BZW2: variants seen among roughly 807,000 people sequenced by gnomAD.
BZW2 encodes eIF5-mimic protein 1.
Under a neutral mutation model 53.2 loss-of-function variants are expected in BZW2, and 23 were observed. The ratio of observed to expected loss-of-function variants is 0.43; its 90% CI spans 0.31 to 0.61. The LOEUF is 0.61. Ranked by LOEUF, BZW2 falls within the 20% of genes least tolerant of loss-of-function variation. The pLI, the probability that BZW2 is intolerant of heterozygous loss-of-function variation, is 0.09. For missense variants in BZW2, 409 were observed against 503.1 expected, an observed-to-expected ratio of 0.81 and a Z score of 1.79; for synonymous variants, 227 against 186.4, an observed-to-expected ratio of 1.22 and a Z score of -1.77.
chr7:16,647,699 A>T (rs936868407), intron 1 of BZW2, among the ~76,000 whole-genome samples: 7 of 152,214 alleles, frequency 4.6e-5, no homozygotes, highest in Non-Finnish European at 7.3e-5. Context: ...AATCTTTTGT[A>T]ATGCTGTTAG....
intron 5 of BZW2, among the ~76,000 whole-genome samples, chr7:16,683,902 T>G (rs1322425971): frequency 6.6e-6 from 1 of 152,010 alleles, no homozygotes; most frequent in Non-Finnish European, 1.5e-5. Flanking sequence ...CAGTTCAAAG[T>G]GGTTCTGTGT....
chr7:16,690,024 C>T (rs928737665), intron 7 of BZW2, 118 bp downstream of exon 7: 14 of 574,592 alleles, frequency 2.4e-5, no homozygotes, highest in Non-Finnish European at 3.6e-5. Flanking sequence ...GAGCACTGTT[C>T]CTTTTATTTC....
intron 2 of BZW2, among the ~76,000 whole-genome samples, chr7:16,673,476 G>C (rs936630531): frequency 2.6e-5 from 4 of 152,056 alleles, no homozygotes; most frequent in Non-Finnish European, 4.4e-5. Flanking sequence ...CATTAAGCCA[G>C]GCATTAAAGA....
Position 16,685,991 on chromosome 7 carries a change from G to T in BZW2, c.492G>T (p.Leu164=), listed in dbSNP as rs768626596. Residue 164 remains leucine, a synonymous_variant, in exon 6 of 12, where the codon CTG becomes CTT. Transcript: ENST00000258761. ...LSGILLGNGT[L]PATILTSLFT... is the part of the protein sequence containing the mutation. Reference sequence around the variant, plus strand: ...GGATTCTGCTGGGCAATGGCACCCTGCCCGCCACCATCCTCACCAGTCTCT... The same window carrying T: ...GGATTCTGCTGGGCAATGGCACCCTTCCCGCCACCATCCTCACCAGTCTCT... 20 of 1,602,598 alleles carry T rather than the reference G, an allele frequency of 1.2e-5. No homozygotes were observed. In the South Asian group the frequency reaches 2.1e-4, roughly 17 times the overall value.
rs372979060 is a variant in BZW2, at chr7:16,657,474, G to A, written c.-7-7963G>A. ...TCCATTGATGCAATATCCTAAAGTA[G>A]AAAAAGTTTGTCTGCTGGTGTTGAG... is the stretch of plus-strand genomic sequence containing the variant. On this transcript the variant is annotated intron_variant, in intron 1 of 11. Transcript: ENST00000258761. 2.4e-4 allele frequency among the ~76,000 whole-genome samples: 37 copies of A among 152,184 alleles called. No individual in the cohort carries two copies. In the East Asian group the frequency reaches 5.4e-3, roughly 22 times the overall value.
At chr7:16,686,794 GTT>G (rs1419395201) in intron 6 of BZW2, 1 of 152,156 alleles carries the variant, frequency 6.6e-6, no homozygotes, top group African/African-American at 2.4e-5. Context: ...AGGAGTCATA[GTT>G]TTCTTGTAGC....
intron 3 of BZW2, among the ~76,000 whole-genome samples, chr7:16,676,981 A>G (rs1317068122): frequency 6.6e-6 from 1 of 151,654 alleles, no homozygotes; most frequent in African/African-American, 2.4e-5. Flanking sequence ...AATTATCTGT[A>G]TAATTTGTGT....
At chr7:16,701,602 A>G (rs1481671176) in intron 10 of BZW2, among the ~76,000 whole-genome samples, 1 of 152,202 alleles carries the variant, frequency 6.6e-6, no homozygotes, top group African/African-American at 2.4e-5. Flanking sequence ...AATAACTAAC[A>G]TGATCTAAAA....
chr7:16,675,612 C>A (rs1189274046), intron 3 of BZW2, among the ~76,000 whole-genome samples: 1 of 152,148 alleles, frequency 6.6e-6, no homozygotes, highest in Non-Finnish European at 1.5e-5. Flanking sequence ...TGTCATTCTG[C>A]CTTGCTAGTT....
At chr7:16,683,416 A>G (rs528978013) in intron 5 of BZW2, among the ~76,000 whole-genome samples, 98 of 152,364 alleles carry the variant, frequency 6.4e-4, no homozygotes, top group African/African-American at 2.2e-3. Flanking sequence ...CAGTAAGAAT[A>G]GTTTTACGGG....
chr7:16,705,930 C>A, intron 11 of BZW2, 130 bp from the exon 12 acceptor site: 1 of 1,004,012 alleles, frequency 1.0e-6, no homozygotes, highest in South Asian at 1.5e-5. Context: ...ACTATTTTAC[C>A]TTATAATGGG....
intron 1 of BZW2, among the ~76,000 whole-genome samples, chr7:16,656,544 A>AGCGCGC (rs201292049): frequency 4.4e-5 from 5 of 113,842 alleles, no homozygotes; most frequent in African/African-American, 1.7e-4. Flanking sequence ...AGCACTCCCC[A>AGCGCGC]GCGCGCGCGC....
In BZW2 at chr7:16,685,891, TTTTTG is replaced by T. The variant is rs1424948112; in HGVS notation, c.406-13_406-9del. 1.4e-5 allele frequency: 21 copies of T among 1,477,484 alleles called. No homozygotes were observed. Among genetic ancestry groups the T allele is most frequent in the Non-Finnish European group, 1.7e-5 (19 of 1,122,692 alleles). 91.5% of individuals were successfully genotyped at this position (1,477,484 alleles called of 1,614,324 possible). The stretch of plus-strand genomic sequence containing the variant: ...TTTTCTTTTTCTTTTTTTTTTTTTT[TTTTTG>T]ACCCACAGCTTCTCCTCTTCCTTAA... On this transcript the variant is annotated splice_polypyrimidine_tract_variant and intron_variant, in intron 5 of 11. Coordinates refer to ENST00000258761, the MANE Select transcript of BZW2 (RefSeq NM_014038.3).
chr7:16,697,106 C>A (rs1783521373), intron 9 of BZW2, 45 bp downstream of exon 9: 2 of 1,587,060 alleles, frequency 1.3e-6, no homozygotes, highest in Admixed American at 1.8e-5. Flanking sequence ...GGGCAAACTG[C>A]AGCTTTTTTT....
chr7:16,689,525 C>T (rs529445235), intron 6 of BZW2, among the ~76,000 whole-genome samples: 13 of 152,152 alleles, frequency 8.5e-5, no homozygotes, highest in Admixed American at 7.9e-4. Flanking sequence ...TGTTTTTGAC[C>T]AAGGTAAAAT....
At chr7:16,666,844 G>A (rs1218152140) in intron 2 of BZW2, among the ~76,000 whole-genome samples, 1 of 152,090 alleles carries the variant, frequency 6.6e-6, no homozygotes, top group Non-Finnish European at 1.5e-5. Flanking sequence ...GTTGAAGCTG[G>A]GTTCAAGCGA....
Position 16,694,846 on chromosome 7 carries a change from G to A in BZW2, c.664G>A (p.Val222Ile). Residue 222 changes from valine to isoleucine, a missense_variant, in exon 8 of 12, where the codon GTT becomes ATT. Coordinates refer to ENST00000258761, the MANE Select transcript of BZW2 (RefSeq NM_014038.3). ...TTCCCTTTTTCAGGAACTCTTTCCA[G>A]TTAACAGACAGAGTGTGGATCATTT... Reference protein sequence around the residue: ...LDKRLLELFPVNRQSVDHFAK... With the variant: ...LDKRLLELFPINRQSVDHFAK... The A allele has an allele frequency of 1.3e-6, 2 of 1,519,796 alleles. No homozygotes were observed. Among genetic ancestry groups the A allele is most frequent in the Non-Finnish European group, 1.8e-6 (2 of 1,114,326 alleles). 94.1% of individuals were successfully genotyped at this position (1,519,796 alleles called of 1,614,324 possible). A position where few individuals can be genotyped will look rare whatever the true frequency, so the allele number is the denominator to read the frequency against.
intron 10 of BZW2, among the ~76,000 whole-genome samples, chr7:16,699,216 T>C (rs953978874): frequency 6.6e-6 from 1 of 152,158 alleles, no homozygotes. Context: ...TGGCCACCCA[T>C]TGCCACTTGA....
Position 16,665,494 on chromosome 7 carries a change from G to A in BZW2, c.51G>A (p.Arg17=), listed in dbSNP as rs762565144. Residue 17 remains arginine (R), a synonymous_variant, in exon 2 of 12, where the codon CGG becomes CGA. Coordinates refer to ENST00000258761, the MANE Select transcript of BZW2 (RefSeq NM_014038.3). ...TAACAGGCCAGCGGTTCAAAACTCG[G>A]AAAAGGGGTAGGTTGTGTGTGTGTG... ...PVLTGQRFKT[R]KRDEKEKFEP... is the part of the protein sequence containing the mutation. The A allele has an allele frequency of 1.9e-5, 31 of 1,612,946 alleles. No homozygotes were observed. In the Admixed American group the frequency reaches 4.5e-4, roughly 23 times the overall value.
Sources: gnomAD v4.1 joint callset for allele counts (sites outside exome capture counted in the v4.1 genomes callset) on GRCh38, gnomAD v4.1.1 for gene constraint, MANE v1.5 for transcripts, NCBI Gene and HGNC (gene_info 2026-07-23, HGNC 2026-07-21) for gene names.